Variants in APC observed in about 807,000 individuals in gnomAD.
APC encodes APC regulator of Wnt signaling pathway, also known as adenomatous polyposis coli protein.
In APC, 72 loss-of-function variants were observed where a neutral mutation model predicts 247.0. The ratio of observed to expected loss-of-function variants is 0.29; its 90% CI spans 0.24 to 0.35. The LOEUF (loss-of-function observed/expected upper bound fraction) is 0.35. APC is among the 10% of genes least tolerant of loss of function. The pLI, the probability that APC is intolerant of heterozygous loss-of-function variation, is 1.00. For synonymous variants in APC, 1,254 were observed against 1,162.5 expected (o/e 1.08, Z -1.60); for missense variants, 3,400 against 3,360.7 (o/e 1.01, Z -0.29).
rs1471318669 is a variant in APC, at chr5:112,808,019, G to A, written c.834+6636G>A. On this transcript the variant is annotated intron_variant, in intron 8 of 15. Coordinates refer to ENST00000257430, the MANE Select transcript of APC (RefSeq NM_000038.6). ...AAAATACAAAAATTAGCCAGATGTG[G>A]TGGCGCACACGTGTAGTCCCAGCTA... Among the ~76,000 whole-genome samples the A allele has an allele frequency of 1.3e-5, 2 of 152,082 alleles. 1 individual carries two copies. Among genetic ancestry groups the A allele is most frequent in the South Asian group, 4.1e-4 (2 of 4,822 alleles).
chr5:112,716,328 A>G (rs1751167879), intron 1 of APC, among the ~76,000 whole-genome samples: 1 of 152,142 alleles, frequency 6.6e-6, no homozygotes, highest in African/African-American at 2.4e-5. Context: ...TATGATTTAT[A>G]CTTTGACTTT....
chr5:112,711,543 C>G (rs1255855410), intron 1 of APC, among the ~76,000 whole-genome samples: 1 of 152,130 alleles, frequency 6.6e-6, no homozygotes, highest in Admixed American at 6.5e-5. Context: ...ATCAGTTAGG[C>G]TGCAAATGGG....
intron 1 of APC, among the ~76,000 whole-genome samples, chr5:112,747,439 C>T (rs1348800008): frequency 6.6e-6 from 1 of 152,128 alleles, no homozygotes; most frequent in Non-Finnish European, 1.5e-5. Flanking sequence ...GATGTAATTG[C>T]ACTGTTTATT....
intron 11 of APC, among the ~76,000 whole-genome samples, chr5:112,824,730 C>T (rs962094943): frequency 2.0e-5 from 3 of 151,968 alleles, no homozygotes; most frequent in African/African-American, 4.8e-5. Context: ...TTAAAATACT[C>T]GACATCTTGG....
rs777612081 is a variant in APC at position 112,842,217 on chromosome 5, A to C, written c.6623A>C (p.Glu2208Ala). 10 of 1,613,890 alleles carry C rather than the reference A, an allele frequency of 6.2e-6. No homozygotes were observed. Among genetic ancestry groups the C allele is most frequent in the Admixed American group, 5.0e-5 (3 of 60,022 alleles). Reference sequence around the variant, plus strand: ...ACTGGAAAAGTTCGATCTAATTCAGAAATTTCAGGCCAAATGAAACAGCCC... The same window carrying C: ...ACTGGAAAAGTTCGATCTAATTCAGCAATTTCAGGCCAAATGAAACAGCCC... ...LITGKVRSNS[E>A]ISGQMKQPLQ... The change falls in exon 16 of 16, where the codon GAA (glutamate) becomes GCA (alanine). Residue 2208 changes from glutamate (E) to alanine (A), a missense_variant. This residue lies in a region of APC where 1,788 missense variants were observed against 1,649.5 expected (regional missense o/e 1.08). Coordinates refer to ENST00000257430, the MANE Select transcript of APC (RefSeq NM_000038.6).
At position 112,838,021 on chromosome 5, in the gene APC, T is replaced by C. The variant is rs1035293450; in HGVS notation, c.2427T>C (p.Asn809=). 1.2e-6 allele frequency: 2 copies of C among 1,614,154 alleles called. No individual in the cohort carries two copies. The highest frequency in any genetic ancestry group is 2.7e-5 in the African/African-American group (2 of 75,048). ...YVFDTNRHDD[N]RSDNFNTGNM... ...TTGACACCAATCGACATGATGATAATAGGTCAGACAATTTTAATACTGGCA... is the reference window on the plus strand; with the variant it reads ...TTGACACCAATCGACATGATGATAACAGGTCAGACAATTTTAATACTGGCA... Residue 809 remains asparagine, a synonymous_variant, in exon 16 of 16, where the codon AAT becomes AAC. Coordinates refer to ENST00000257430, the MANE Select transcript of APC (RefSeq NM_000038.6).
At chr5:112,758,840 T>A (rs2149754344) in intron 2 of APC, among the ~76,000 whole-genome samples, 1 of 151,948 alleles carries the variant, frequency 6.6e-6, no homozygotes, top group East Asian at 1.9e-4. Context: ...TGACCTCAGG[T>A]GATCCACCCG....
chr5:112,734,049 C>A (rs1166487645), upstream of APC, among the ~76,000 whole-genome samples: 1 of 152,168 alleles, frequency 6.6e-6, no homozygotes, highest in Non-Finnish European at 1.5e-5. Flanking sequence ...ATCTCCCAGT[C>A]CTGTGTGGCT....
intron 7 of APC, among the ~76,000 whole-genome samples, chr5:112,799,673 G>T (rs1436000377): frequency 2.0e-5 from 3 of 152,118 alleles, no homozygotes; most frequent in African/African-American, 7.2e-5. Flanking sequence ...ACTGTAACTT[G>T]CAAGTAGAAA....
chr5:112,838,235 T>A lies in APC; in HGVS notation c.2641T>A (p.Ser881Thr), dbSNP rs905341123. The change falls in exon 16 of 16, where the codon TCC (serine) becomes ACC (threonine). Residue 881 changes from serine (S) to threonine (T), a missense_variant. Physicochemically the swap from Ser to Thr is moderately conservative, Grantham distance 58. Transcript: ENST00000257430. ...GTSSKRGLQI[S>T]TTAAQIAKVM... ...TTCTTCAAAGCGAGGTTTGCAGATC[T>A]CCACCACTGCAGCCCAGATTGCCAA... 7 of 1,614,052 alleles carry A rather than the reference T, an allele frequency of 4.3e-6. No individual in the cohort carries two copies. Among genetic ancestry groups the A allele is most frequent in the Non-Finnish European group, 5.1e-6 (6 of 1,180,038 alleles).
At chr5:112,732,309 C>T (rs887560952) in intron 1 of APC, among the ~76,000 whole-genome samples, 4 of 152,124 alleles carry the variant, frequency 2.6e-5, no homozygotes, top group Non-Finnish European at 1.5e-5. Context: ...TCCCTGGCAG[C>T]ACATACCAAA....
At chr5:112,820,534 T>A (rs1763013429) in intron 10 of APC, among the ~76,000 whole-genome samples, 1 of 152,176 alleles carries the variant, frequency 6.6e-6, no homozygotes, top group African/African-American at 2.4e-5. Flanking sequence ...CTTTCATATC[T>A]ATTTGTCCTG....
At chr5:112,836,897 C>A (rs539001865) in intron 15 of APC, among the ~76,000 whole-genome samples, 5 of 152,112 alleles carry the variant, frequency 3.3e-5, no homozygotes, top group South Asian at 4.2e-4. Context: ...GACAGGGTTT[C>A]ACCATGTTGG....
intron 8 of APC, among the ~76,000 whole-genome samples, chr5:112,812,010 C>T (rs1762034332): frequency 6.6e-6 from 1 of 152,152 alleles, no homozygotes; most frequent in Non-Finnish European, 1.5e-5. Context: ...GACATCAGTT[C>T]CTTGTTACAT....
upstream of APC, chr5:112,737,718 G>C (rs1752487666): frequency 7.7e-6 from 4 of 518,366 alleles, no homozygotes; most frequent in Non-Finnish European, 9.9e-6. Flanking sequence ...GCGGGGCCCT[G>C]TGCCCCACTG....
At chr5:112,742,147 T>G (rs1561425223) in intron 1 of APC, among the ~76,000 whole-genome samples, 1 of 152,138 alleles carries the variant, frequency 6.6e-6, no homozygotes, top group Non-Finnish European at 1.5e-5. Flanking sequence ...TGTTTTTAAT[T>G]TACATAATTT....
chr5:112,721,927 G>A (rs1203369704), intron 1 of APC, among the ~76,000 whole-genome samples: 2 of 151,952 alleles, frequency 1.3e-5, no homozygotes, highest in South Asian at 2.1e-4. Flanking sequence ...GAAAGTTTAC[G>A]AATTTGTGTT....
chr5:112,829,003 T>G, intron 14 of APC, 31 bp downstream of exon 14: 1 of 1,496,474 alleles, frequency 6.7e-7, no homozygotes, highest in Non-Finnish European at 9.3e-7. Context: ...TACTATAATA[T>G]GAATTTCATG....
rs756092753 is a variant in APC at position 112,840,761 on chromosome 5, ATTC to A, written c.5170_5172del (p.Leu1724del). Reference sequence around the variant, plus strand: ...TGACAATAAAGCAGAGGAAGGTGATATTCTTGCAGAATGCATTAATTCTGCTAT... The same window carrying A: ...TGACAATAAAGCAGAGGAAGGTGATATTGCAGAATGCATTAATTCTGCTAT... On this transcript the variant is annotated inframe_deletion, in exon 16 of 16. Coordinates refer to ENST00000257430, the MANE Select transcript of APC (RefSeq NM_000038.6). This position sits in a 1 kb window ranked among gnomAD's most constrained non-coding sequence, Gnocchi z 4.1. 7 of 1,614,044 alleles carry A rather than the reference ATTC, an allele frequency of 4.3e-6. No individual in the cohort carries two copies. The South Asian group carries it at 6.6e-5, about 15-fold the overall frequency.
Sources: allele counts gnomAD v4.1 joint callset (sites outside exome capture counted in the v4.1 genomes callset), GRCh38; gene constraint gnomAD v4.1.1; regional missense constraint gnomAD v4.1.1; non-coding constraint Gnocchi (gnomAD v3.1); transcripts MANE v1.5; gene names NCBI Gene and HGNC (gene_info 2026-07-23, HGNC 2026-07-21).